DCC: variants seen among roughly 807,000 people sequenced by gnomAD.
DCC encodes the protein netrin receptor DCC.
A neutral mutation model predicts 172.5 loss-of-function variants in DCC; 58 were observed. The observed-to-expected ratio is 0.34, with a 90% CI of 0.27 to 0.42. The LOEUF is 0.42. Ranked by LOEUF, DCC falls within the 10% of genes least tolerant of loss-of-function variation. The probability of loss-of-function intolerance (pLI) is 1.00; values close to 1 mark genes in which losing one functional copy is unlikely to be tolerated. For missense variants in DCC, 1,740 were observed against 1,791.0 expected (o/e 0.97, Z 0.51); for synonymous variants, 709 against 644.5 (o/e 1.10, Z -1.52).
At chr18:53,216,664 C>T (rs377487090) in intron 12 of DCC, among the ~76,000 whole-genome samples, 19 of 152,228 alleles carry the variant, frequency 1.2e-4, no homozygotes, top group African/African-American at 4.6e-4. Context: ...GAAGCCATAT[C>T]TTGTGATGTT....
At chr18:53,530,199 T>G in intron 28 of DCC, 5 of 638,992 alleles carry the variant, frequency 7.8e-6, no homozygotes, top group South Asian at 1.8e-5. Context: ...GAATAGCCTA[T>G]GAAATAGATG....
At chr18:52,889,015 A>G (rs1485867513) in intron 2 of DCC, among the ~76,000 whole-genome samples, 1 of 152,100 alleles carries the variant, frequency 6.6e-6, no homozygotes, top group African/African-American at 2.4e-5. Context: ...AATATAACCA[A>G]TTTAATTGGC....
intron 25 of DCC, among the ~76,000 whole-genome samples, chr18:53,476,414 G>C (rs188757690): frequency 6.6e-6 from 1 of 152,032 alleles, no homozygotes; most frequent in Non-Finnish European, 1.5e-5. Flanking sequence ...ATTGAATTTC[G>C]GAGCCAGGTT....
intron 15 of DCC, among the ~76,000 whole-genome samples, chr18:53,370,356 C>T (rs986042839): frequency 2.6e-5 from 4 of 151,856 alleles, no homozygotes; most frequent in Admixed American, 2.0e-4. Flanking sequence ...GTTCATCAAG[C>T]CAAAGGTTTG....
chr18:52,958,415 GC>G (rs1413163125), intron 5 of DCC, among the ~76,000 whole-genome samples: 11 of 152,108 alleles, frequency 7.2e-5, no homozygotes, highest in African/African-American at 2.7e-4. Context: ...TGAGAGAGAA[GC>G]CTAAAGTGGG....
intron 2 of DCC, among the ~76,000 whole-genome samples, chr18:52,861,470 A>G (rs1425923738): frequency 6.6e-6 from 1 of 152,214 alleles, no homozygotes; most frequent in East Asian, 1.9e-4. Context: ...GTAAACAACG[A>G]TATTACCATA....
chr18:52,416,455 C>T (rs1987033210), intron 1 of DCC, among the ~76,000 whole-genome samples: 1 of 151,902 alleles, frequency 6.6e-6, no homozygotes, highest in Non-Finnish European at 1.5e-5. Context: ...GTTGATCTGT[C>T]TAATGTTGAC....
intron 15 of DCC, among the ~76,000 whole-genome samples, chr18:53,375,072 C>T (rs2058096168): frequency 4.6e-5 from 7 of 152,148 alleles, no homozygotes; most frequent in Admixed American, 4.6e-4. Flanking sequence ...TCTGTTTTCT[C>T]ATCTCCTGAA....
intron 21 of DCC, among the ~76,000 whole-genome samples, chr18:53,425,240 A>G (rs1006985928): frequency 6.6e-6 from 1 of 151,628 alleles, no homozygotes; most frequent in Admixed American, 6.6e-5. Context: ...TGCATGTTCA[A>G]TTGAGAATAG....
intron 1 of DCC, among the ~76,000 whole-genome samples, chr18:52,636,504 A>G (rs1458543390): frequency 1.3e-5 from 2 of 152,076 alleles, no homozygotes; most frequent in Admixed American, 6.5e-5. Context: ...GACACAGTGG[A>G]AGTGAGACCA....
intron 5 of DCC, among the ~76,000 whole-genome samples, chr18:52,943,575 ATT>A (rs1267573634): frequency 6.6e-6 from 1 of 152,178 alleles, no homozygotes; most frequent in Non-Finnish European, 1.5e-5. Flanking sequence ...TTTCTGCATC[ATT>A]TACACAAGGA....
chr18:52,446,737 T>TTG (rs1045262152), intron 1 of DCC, among the ~76,000 whole-genome samples: 1 of 152,142 alleles, frequency 6.6e-6, no homozygotes, highest in African/African-American at 2.4e-5. Context: ...AGAGTTATTT[T>TTG]TGTGTGTGTG....
chr18:52,828,359 T>C (rs1267792107), intron 2 of DCC, among the ~76,000 whole-genome samples: 1 of 152,124 alleles, frequency 6.6e-6, no homozygotes, highest in Non-Finnish European at 1.5e-5. Flanking sequence ...ATCCATCATG[T>C]TTGTTGTCCC....
chr18:53,284,553 C>G (rs532749666), intron 12 of DCC, among the ~76,000 whole-genome samples: 2 of 152,280 alleles, frequency 1.3e-5, no homozygotes, highest in African/African-American at 4.8e-5. Flanking sequence ...AACTGTAAGT[C>G]CAATAAACCT....
chr18:53,030,709 G>T (rs1392886637), intron 5 of DCC, among the ~76,000 whole-genome samples: 1 of 152,102 alleles, frequency 6.6e-6, no homozygotes, highest in Admixed American at 6.6e-5. Context: ...GAAATTTTGG[G>T]CATCATCCTG....
At chr18:52,604,974 T>G (rs1037059726) in intron 1 of DCC, among the ~76,000 whole-genome samples, 3 of 152,074 alleles carry the variant, frequency 2.0e-5, no homozygotes, top group African/African-American at 7.2e-5. Context: ...TAATGCACAC[T>G]CATCTGTTTG....
intron 2 of DCC, among the ~76,000 whole-genome samples, chr18:52,836,312 A>G (rs1598852030): frequency 6.6e-6 from 1 of 152,176 alleles, no homozygotes; most frequent in South Asian, 2.1e-4. Context: ...AAACACAATC[A>G]TGCCCTTCCA....
chr18:52,772,237 CTG>C (rs1233323984), intron 2 of DCC, among the ~76,000 whole-genome samples: 5 of 152,128 alleles, frequency 3.3e-5, no homozygotes, highest in Non-Finnish European at 5.9e-5. Flanking sequence ...TTTATGTTAA[CTG>C]TTATTCTTTT....
intron 23 of DCC, among the ~76,000 whole-genome samples, chr18:53,453,256 G>A (rs1599167511): frequency 6.6e-6 from 1 of 152,090 alleles, no homozygotes; most frequent in Admixed American, 6.5e-5. Flanking sequence ...ATTGAGGACC[G>A]CTACTCCTCT....
Sources: allele counts gnomAD v4.1 joint callset (sites outside exome capture counted in the v4.1 genomes callset), GRCh38; gene constraint gnomAD v4.1.1; transcripts MANE v1.5; gene names NCBI Gene and HGNC (gene_info 2026-07-23, HGNC 2026-07-21).